UNC80: variants seen among roughly 807,000 people sequenced by gnomAD.
UNC80 encodes unc-80 subunit of NALCN channel complex.
Under a neutral mutation model 384.6 loss-of-function variants are expected in UNC80, and 164 were observed. The observed-to-expected ratio is 0.43, with a 90% CI of 0.38 to 0.49. The LOEUF (loss-of-function observed/expected upper bound fraction) is 0.49. Ranked by LOEUF, UNC80 falls within the 20% of genes least tolerant of loss-of-function variation. The probability of loss-of-function intolerance (pLI) is 0.00; values close to 1 mark genes in which losing one functional copy is unlikely to be tolerated. For missense variants in UNC80, 3,330 were observed against 4,143.0 expected (o/e 0.80, Z 5.39); for synonymous variants, 1,486 against 1,527.8 (o/e 0.97, Z 0.64).
At chr2:209,816,095 A>G (rs2079716103) in intron 9 of UNC80, among the ~76,000 whole-genome samples, 1 of 152,352 alleles carries the variant, frequency 6.6e-6, no homozygotes, top group East Asian at 1.9e-4. Flanking sequence ...GCCTTTGTTA[A>G]TGATGCAACA....
chr2:209,857,753 G>A (rs2083042189), intron 22 of UNC80, among the ~76,000 whole-genome samples: 1 of 151,886 alleles, frequency 6.6e-6, no homozygotes, highest in South Asian at 2.1e-4. Context: ...CAGTATTTTT[G>A]TTTTAATTTA....
rs1188486391 is a variant in UNC80, at chr2:209,772,174, G to A, written c.92+10G>A. The stretch of plus-strand genomic sequence containing the variant: ...TGTGGCGGCAAACCAGGTGAGGGGC[G>A]CAGAGGGCGCACCGCGGGCCGCCCT... On this transcript the variant is annotated intron_variant, in intron 1 of 64. Coordinates refer to ENST00000673920, the MANE Select transcript of UNC80 (RefSeq NM_001371986.1). 2.6e-6 allele frequency: 4 copies of A among 1,534,740 alleles called. No individual in the cohort carries two copies. Among genetic ancestry groups the A allele is most frequent in the Non-Finnish European group, 2.6e-6 (3 of 1,139,234 alleles).
At position 209,921,542 on chromosome 2, in the gene UNC80, G is replaced by T; in HGVS notation, c.5386G>T (p.Ala1796Ser). Residue 1796 changes from alanine (A) to serine (S), a missense_variant, in exon 34 of 65, where the codon GCA becomes TCA. Coordinates refer to ENST00000673920, the MANE Select transcript of UNC80 (RefSeq NM_001371986.1). Reference protein sequence around the residue: ...ARAVSRSHQRAEHILKNLQQE... With the variant: ...ARAVSRSHQRSEHILKNLQQE... ...GGCTGTGTCCCGCTCCCATCAAAGG[G>T]CAGAACACATCTTAAAGAACTTGCA... The T allele has an allele frequency of 6.5e-7, 1 of 1,544,824 alleles. No homozygotes were observed. Among genetic ancestry groups the T allele is most frequent in the Non-Finnish European group, 8.7e-7 (1 of 1,143,514 alleles).
At chr2:209,938,680 C>CTGTCTCTG (rs1488414158) in intron 42 of UNC80, among the ~76,000 whole-genome samples, 236 of 84,818 alleles carry the variant, frequency 2.8e-3, no homozygotes, top group African/African-American at 0.016. Flanking sequence ...GTCTCTGTCT[C>CTGTCTCTG]TCTCTCTCTC....
chr2:209,962,885 G>T (rs547812708), intron 51 of UNC80, among the ~76,000 whole-genome samples: 1 of 152,130 alleles, frequency 6.6e-6, no homozygotes, highest in South Asian at 2.1e-4. Context: ...GCGAATTGAG[G>T]GTAGTATTAA....
At chr2:209,918,785 G>A in intron 33 of UNC80, 122 bp downstream of exon 33, 27 of 1,161,360 alleles carry the variant, frequency 2.3e-5, no homozygotes, top group Non-Finnish European at 3.0e-5. Context: ...CAGCACAAAA[G>A]ATCTTTGTCC....
At chr2:209,967,867 A>G in intron 52 of UNC80, 1 of 421,970 alleles carries the variant, frequency 2.4e-6, no homozygotes, top group Middle Eastern at 6.5e-4. Context: ...AAATCTATCC[A>G]TTTCTTAGCT....
intron 33 of UNC80, among the ~76,000 whole-genome samples, chr2:209,919,884 T>A (rs1054246869): frequency 2.0e-5 from 3 of 152,248 alleles, no homozygotes; most frequent in Non-Finnish European, 4.4e-5. Context: ...CCAAGCTCAC[T>A]GTGGATTTGA....
At chr2:209,896,144 G>T in intron 27 of UNC80, among the ~76,000 whole-genome samples, 169 bp from the exon 28 acceptor site, 1 of 152,128 alleles carries the variant, frequency 6.6e-6, no homozygotes, top group East Asian at 1.9e-4. Flanking sequence ...GGTGGTGAAG[G>T]GGACAGCTCC....
In UNC80 at chr2:209,996,150, G is replaced by C. The variant is rs1051173279; in HGVS notation, c.*555G>C. On this transcript the variant is annotated 3_prime_UTR_variant, in exon 65 of 65. Coordinates refer to ENST00000673920, the MANE Select transcript of UNC80 (RefSeq NM_001371986.1). ...TTTTGAGTAACAATACAGCCATTTA[G>C]AAGAAGAAAAAAATACTATATAGAG... 3.3e-5 allele frequency: 5 copies of C among 152,478 alleles called. No homozygotes were observed. Among genetic ancestry groups the C allele is most frequent in the African/African-American group, 1.2e-4 (5 of 41,396 alleles). 9.4% of individuals were successfully genotyped at this position (152,478 alleles called of 1,614,324 possible).
At position 209,878,017 on chromosome 2, in the gene UNC80, G is replaced by T. The variant is rs1005606432; in HGVS notation, c.3904G>T (p.Gly1302Cys). 2 of 1,546,014 alleles carry T rather than the reference G, an allele frequency of 1.3e-6. No individual in the cohort carries two copies. The highest frequency in any genetic ancestry group is 1.7e-6 in the Non-Finnish European group (2 of 1,144,408). ...GESESPANLL[G>C]LIYDEETKRR... is the part of the protein sequence containing the mutation. ...AAGTGAGAGCCCAGCCAACCTGCTGGGTCTCATTTACGATGAAGAGACCAA... is the reference window on the plus strand; with the variant it reads ...AAGTGAGAGCCCAGCCAACCTGCTGTGTCTCATTTACGATGAAGAGACCAA... The change falls in exon 24 of 65, where the codon GGT becomes TGT. Residue 1302 changes from glycine (G) to cysteine (C), a missense_variant. Physicochemically the swap from Gly to Cys is radical, Grantham distance 159. This residue lies in a region of UNC80 where 801 missense variants were observed against 950.8 expected (regional missense o/e 0.84). Coordinates refer to ENST00000673920, the MANE Select transcript of UNC80 (RefSeq NM_001371986.1).
At position 209,797,440 on chromosome 2, in the gene UNC80, T is replaced by C. The variant is rs566468488; in HGVS notation, c.938+3581T>C. Among the ~76,000 whole-genome samples, 15 of 152,320 alleles carry C rather than the reference T, an allele frequency of 9.8e-5. No homozygotes were observed. The East Asian group carries it at 2.9e-3, about 29-fold the overall frequency. On this transcript the variant is annotated intron_variant, in intron 7 of 64. Coordinates refer to ENST00000673920, the MANE Select transcript of UNC80 (RefSeq NM_001371986.1). Reference sequence around the variant, plus strand: ...CATGTGGTGTTTGGTTTTCTGTTCCTGTGTTAGTTTGCTGAGGATGATGGC... The same window carrying C: ...CATGTGGTGTTTGGTTTTCTGTTCCCGTGTTAGTTTGCTGAGGATGATGGC...
intron 6 of UNC80, among the ~76,000 whole-genome samples, chr2:209,791,572 A>G (rs2077801473): frequency 6.6e-6 from 1 of 152,040 alleles, no homozygotes; most frequent in Non-Finnish European, 1.5e-5. Context: ...ACCAATTAAG[A>G]TCTCAATTCA....
rs1454130893 is a variant in UNC80, at chr2:209,998,679, A to C, written c.*3084A>C. On this transcript the variant is annotated 3_prime_UTR_variant, in exon 65 of 65. Coordinates refer to ENST00000673920, the MANE Select transcript of UNC80 (RefSeq NM_001371986.1). ...ATGTGTGTGGAGGGGCTTTTAGGGA[A>C]GAAAGGGTCATAAATGAATAGAAGT... The C allele has an allele frequency of 6.6e-6, 1 of 152,236 alleles. No homozygotes were observed. The highest frequency in any genetic ancestry group is 6.5e-5 in the Admixed American group (1 of 15,288). The allele number at this position is 152,236 out of a possible 1,614,324, so 9.4% of individuals were successfully genotyped here. A position where few individuals can be genotyped will look rare whatever the true frequency, so the allele number is the denominator to read the frequency against.
intron 13 of UNC80, 48 bp from the exon 14 acceptor site, chr2:209,825,859 G>C (rs866121354): frequency 2.7e-6 from 4 of 1,457,864 alleles, no homozygotes; most frequent in Non-Finnish European, 2.7e-6. Flanking sequence ...AAGGACCTCA[G>C]TGACAAAGTA....
At chr2:209,812,216 A>ATTTTTTTTTT in intron 7 of UNC80, among the ~76,000 whole-genome samples, 1 of 137,602 alleles carries the variant, frequency 7.3e-6, no homozygotes, top group Non-Finnish European at 1.6e-5. Context: ...AGAGCGGCTA[A>ATTTTTTTTTT]TTTTTTTTTT....
chr2:209,937,006 A>G, intron 41 of UNC80, 73 bp downstream of exon 41: 1 of 1,031,912 alleles, frequency 9.7e-7, no homozygotes, highest in South Asian at 1.4e-5. Flanking sequence ...GGTGGCTCAC[A>G]GTCAGGGAGG....
Position 209,976,980 on chromosome 2 carries a change from A to G in UNC80, c.8840A>G (p.Glu2947Gly). The change falls in exon 58 of 65, where the codon GAG (glutamate) becomes GGG (glycine). Residue 2947 changes from glutamate to glycine, a missense_variant. By Grantham distance (98) the Glu-to-Gly change is moderately conservative. Transcript: ENST00000673920. The surrounding 1 kb of genome is among the most constrained non-coding windows in gnomAD (Gnocchi z 4.3). ...CGGCAACATATTGCCGACCAGCTGG[A>G]GCGGCGCTTCATACCACGCCCTTTG... Reference protein sequence around the residue: ...SARQHIADQLERRFIPRPLCK... With the variant: ...SARQHIADQLGRRFIPRPLCK... The G allele has an allele frequency of 6.5e-7, 1 of 1,536,778 alleles. No individual in the cohort carries two copies. Among genetic ancestry groups the G allele is most frequent in the Non-Finnish European group, 8.8e-7 (1 of 1,134,606 alleles).
intron 7 of UNC80, among the ~76,000 whole-genome samples, chr2:209,801,452 G>A (rs1400748591): frequency 2.2e-5 from 3 of 137,884 alleles, no homozygotes; most frequent in South Asian, 2.4e-4. Flanking sequence ...GCACAATCTC[G>A]GCTCACTGCA....
Sources: allele counts gnomAD v4.1 joint callset (sites outside exome capture counted in the v4.1 genomes callset), GRCh38; gene constraint gnomAD v4.1.1; regional missense constraint gnomAD v4.1.1; non-coding constraint Gnocchi (gnomAD v3.1); transcripts MANE v1.5; gene names NCBI Gene and HGNC (gene_info 2026-07-23, HGNC 2026-07-21).